VPS39: variants seen among roughly 807,000 people sequenced by gnomAD.
VPS39 encodes vam6/Vps39-like protein.
VPS39 carries 70 observed loss-of-function variants against 121.0 expected under a neutral mutation model. The ratio of observed to expected loss-of-function variants is 0.58; its 90% CI spans 0.48 to 0.71. The LOEUF is 0.71. VPS39 is among the 30% of genes least tolerant of loss of function. The pLI is 0.00. For synonymous variants in VPS39, 378 were observed against 398.1 expected (o/e 0.95, Z 0.60); for missense variants, 818 against 1,051.5 (o/e 0.78, Z 3.07).
intron 2 of VPS39, among the ~76,000 whole-genome samples, chr15:42,199,342 C>T (rs2620380): frequency 0.066 from 10,002 of 152,096 alleles, 864 homozygotes; most frequent in African/African-American, 0.18. Context: ...TTCTTCGAGC[C>T]TATTATTGCA....
At chr15:42,199,578 TTTC>T (rs1274936142) in intron 2 of VPS39, 6 of 468,406 alleles carry the variant, frequency 1.3e-5, no homozygotes, top group Non-Finnish European at 4.3e-6. Context: ...ATTAGTAGTA[TTTC>T]TTATTATTGG....
In VPS39 at chr15:42,165,106, A is replaced by T; in HGVS notation, c.1787T>A (p.Ile596Asn). The T allele has an allele frequency of 6.2e-7, 1 of 1,614,148 alleles. No homozygotes were observed. The highest frequency in any genetic ancestry group is 8.5e-7 in the Non-Finnish European group (1 of 1,180,016). Residue 596 changes from isoleucine (I) to asparagine (N), a missense_variant, in exon 18 of 25, where the codon ATC becomes AAC. Transcript: ENST00000318006. The part of the protein sequence containing the change: ...KGLAIPYLEH[I>N]IHVWEETGSR... ...GCCTGTCTCCTCCCAAACATGGATG[A>T]TGTGTTCCTGAGGCAAGATGTAGGT... is the stretch of plus-strand genomic sequence containing the variant.
intron 19 of VPS39, 90 bp downstream of exon 19, chr15:42,164,268 T>C (rs547861344): frequency 6.4e-7 from 1 of 1,552,772 alleles, no homozygotes; most frequent in Non-Finnish European, 8.7e-7. Context: ...GGCCCAACTT[T>C]TGTGGAGAGT....
chr15:42,208,201 G>A lies in VPS39; in HGVS notation c.-48C>T, dbSNP rs1339084846. ...CCGCCGTCTCGCCCAGAGTGTTCCGGGCCGGGCTGGGGTCCGGAACGAGTC... is the reference window on the plus strand; with the variant it reads ...CCGCCGTCTCGCCCAGAGTGTTCCGAGCCGGGCTGGGGTCCGGAACGAGTC... On this transcript the variant is annotated 5_prime_UTR_variant, in exon 1 of 25. Transcript: ENST00000318006. 1 of 1,552,012 alleles carries A rather than the reference G, an allele frequency of 6.4e-7. No individual in the cohort carries two copies. The highest frequency in any genetic ancestry group is 2.0e-5 in the Admixed American group (1 of 51,230).
chr15:42,178,426 A>G (rs748281737), intron 9 of VPS39, 24 bp downstream of exon 9: 1 of 1,614,212 alleles, frequency 6.2e-7, no homozygotes, highest in Non-Finnish European at 8.5e-7. Flanking sequence ...ATATACAGCC[A>G]TAGCAAAAAA....
chr15:42,201,112 T>G (rs189793255), intron 1 of VPS39, among the ~76,000 whole-genome samples: 1 of 152,266 alleles, frequency 6.6e-6, no homozygotes, highest in African/African-American at 2.4e-5. Flanking sequence ...GTTCTAAAAT[T>G]TATTGTGCTG....
chr15:42,161,807 A>G (rs2049132874), intron 23 of VPS39, 34 bp from the exon 24 acceptor site: 1 of 1,610,838 alleles, frequency 6.2e-7, no homozygotes, highest in African/African-American at 1.3e-5. Flanking sequence ...AAGAAGTTCT[A>G]CAGTGTGGCA....
chr15:42,168,620 T>A (rs1232181946), intron 12 of VPS39, among the ~76,000 whole-genome samples: 1 of 151,632 alleles, frequency 6.6e-6, no homozygotes, highest in Non-Finnish European at 1.5e-5. Context: ...CTCGGCTCAC[T>A]TCCACCTCTG....
intron 8 of VPS39, chr15:42,178,859 T>C (rs2049514402): frequency 6.3e-6 from 2 of 319,482 alleles, no homozygotes; most frequent in South Asian, 8.1e-5. Flanking sequence ...ATTAAAAAAT[T>C]AGTCAGGTGT....
intron 1 of VPS39, among the ~76,000 whole-genome samples, chr15:42,203,064 A>C (rs2050099124): frequency 6.6e-6 from 1 of 152,100 alleles, no homozygotes; most frequent in Non-Finnish European, 1.5e-5. Flanking sequence ...ACATTTTAAA[A>C]AGTCAAATGT....
chr15:42,197,487 A>C (rs566180528), intron 2 of VPS39, among the ~76,000 whole-genome samples: 9 of 152,204 alleles, frequency 5.9e-5, no homozygotes, highest in African/African-American at 1.4e-4. Context: ...CAGGAGGTTG[A>C]GGCTGCAGTG....
chr15:42,187,449 G>A, intron 6 of VPS39, 86 bp from the exon 7 acceptor site: 1 of 1,239,962 alleles, frequency 8.1e-7, no homozygotes, highest in Non-Finnish European at 1.1e-6. Flanking sequence ...CCTCCATTCT[G>A]CAAAACAACC....
chr15:42,166,924 A>G lies in VPS39; in HGVS notation c.1378-11T>C, dbSNP rs749762349. 1 of 1,614,082 alleles carries G rather than the reference A, an allele frequency of 6.2e-7. No individual in the cohort carries two copies. Among genetic ancestry groups the G allele is most frequent in the Admixed American group, 1.7e-5 (1 of 60,024 alleles). On this transcript the variant is annotated splice_polypyrimidine_tract_variant and intron_variant, in intron 13 of 24. Transcript: ENST00000318006. Reference sequence around the variant, plus strand: ...CAGGGCCACATTTGTCTGCAGAAAGAGCAGGAGTTCAGTGGAAACTGCTTC... The same window carrying G: ...CAGGGCCACATTTGTCTGCAGAAAGGGCAGGAGTTCAGTGGAAACTGCTTC...
In VPS39 at chr15:42,162,374, C is replaced by T; in HGVS notation, c.2283G>A (p.Leu761=). Residue 761 remains leucine (L), a synonymous_variant, in exon 22 of 25, where the codon CTG becomes CTA. Transcript: ENST00000318006. ...LEPKANLQAA[L]QVLELHHSKL... The stretch of plus-strand genomic sequence containing the variant: ...TGCTGTGGTGTAGCTCGAGGACCTG[C>T]AGAGCGGCCTGGAGGTTGGCTTTTG... The T allele has an allele frequency of 3.1e-6, 5 of 1,612,836 alleles. No homozygotes were observed. The highest frequency in any genetic ancestry group is 3.4e-6 in the Non-Finnish European group (4 of 1,179,482).
At chr15:42,163,056 G>C (rs563178718) in intron 21 of VPS39, among the ~76,000 whole-genome samples, 2 of 152,156 alleles carry the variant, frequency 1.3e-5, no homozygotes, top group Non-Finnish European at 2.9e-5. Context: ...TAGTACATCA[G>C]AACCATGACG....
intron 10 of VPS39, among the ~76,000 whole-genome samples, chr15:42,174,590 G>A (rs2049410904): frequency 6.6e-6 from 1 of 152,230 alleles, no homozygotes; most frequent in East Asian, 1.9e-4. Flanking sequence ...AATAGGGTAA[G>A]AGTGATGATA....
At chr15:42,193,532 T>C (rs1222744422) in intron 2 of VPS39, among the ~76,000 whole-genome samples, 2 of 152,144 alleles carry the variant, frequency 1.3e-5, no homozygotes, top group Non-Finnish European at 2.9e-5. Context: ...TTGGTCTACC[T>C]TACACTTTGA....
chr15:42,163,117 G>A (rs896106718), intron 21 of VPS39, among the ~76,000 whole-genome samples: 1 of 152,188 alleles, frequency 6.6e-6, no homozygotes, highest in Non-Finnish European at 1.5e-5. Context: ...AATCAAGAGA[G>A]TAAAGAGACA....
rs757538084 is a variant in VPS39 at position 42,167,379 on chromosome 15, G to A, written c.1377+15C>T. 6.8e-6 allele frequency: 11 copies of A among 1,613,610 alleles called. No homozygotes were observed. The highest frequency in any genetic ancestry group is 4.0e-5 in the African/African-American group (3 of 74,984). On this transcript the variant is annotated intron_variant, in intron 13 of 24. Transcript: ENST00000318006. ...TAACTGGGAATTGTGGCACCCGAGC[G>A]CTCAGGTAACTCACATGGAGATAGC...
Sources: gnomAD v4.1 joint callset for allele counts (sites outside exome capture counted in the v4.1 genomes callset) on GRCh38, gnomAD v4.1.1 for gene constraint, MANE v1.5 for transcripts, NCBI Gene and HGNC (gene_info 2026-07-23, HGNC 2026-07-21) for gene names.